WDPCP: variants seen among roughly 807,000 people sequenced by gnomAD.
WDPCP encodes WD repeat-containing and planar cell polarity effector protein fritz homolog.
In WDPCP, 71 loss-of-function variants were observed where a neutral mutation model predicts 93.1. The ratio of observed to expected loss-of-function variants is 0.76; its 90% confidence interval spans 0.63 to 0.93. The LOEUF is 0.93. Among genes scored for constraint, WDPCP ranks in the 40% least tolerant of loss-of-function variants. The probability of loss-of-function intolerance (pLI) is 0.00; values close to 1 mark genes in which losing one functional copy is unlikely to be tolerated. For missense variants in WDPCP, 844 were observed against 887.4 expected (o/e 0.95, Z 0.62); for synonymous variants, 315 against 315.0 (o/e 1.00, Z 0.00).
intron 2 of WDPCP, chr2:63,650,983 G>C (rs770778515): frequency 6.6e-6 from 1 of 152,156 alleles, no homozygotes; most frequent in Non-Finnish European, 1.5e-5. Flanking sequence ...CAGTGGACTT[G>C]GATGTACAGG....
At chr2:63,494,907 G>A (rs1489684149) in intron 1 of WDPCP, among the ~76,000 whole-genome samples, 7 of 131,486 alleles carry the variant, frequency 5.3e-5, no homozygotes, top group Admixed American at 8.1e-5. Flanking sequence ...GCGACAGAGC[G>A]AGACTCCGTC....
chr2:63,502,646 TC>T (rs1701627062), intron 1 of WDPCP, among the ~76,000 whole-genome samples: 1 of 152,230 alleles, frequency 6.6e-6, no homozygotes. Context: ...TGCTCATCTT[TC>T]TATTAAGTTC....
chr2:63,640,652 T>C (rs1164170026), intron 3 of WDPCP, among the ~76,000 whole-genome samples: 1 of 152,154 alleles, frequency 6.6e-6, no homozygotes, highest in East Asian at 1.9e-4. Context: ...TACTTGACAA[T>C]AAAAAGAAAT....
At chr2:63,252,401 C>G (rs1464307727) in intron 14 of WDPCP, among the ~76,000 whole-genome samples, 1 of 152,086 alleles carries the variant, frequency 6.6e-6, no homozygotes, top group African/African-American at 2.4e-5. Context: ...CTCATCATTC[C>G]TGTTCAAAAA....
At chr2:63,786,871 A>G (rs1034035953) in intron 2 of WDPCP, among the ~76,000 whole-genome samples, 1 of 152,244 alleles carries the variant, frequency 6.6e-6, no homozygotes, top group Non-Finnish European at 1.5e-5. Context: ...ATGAAAAACA[A>G]ACACAGGGAA....
chr2:63,315,606 T>C (rs888612627), intron 12 of WDPCP, among the ~76,000 whole-genome samples: 1 of 152,090 alleles, frequency 6.6e-6, no homozygotes, highest in Non-Finnish European at 1.5e-5. Context: ...AAAGTAGGCA[T>C]ATAAAATAAT....
chr2:63,660,311 C>G (rs1450182916), intron 2 of WDPCP, among the ~76,000 whole-genome samples: 3 of 152,110 alleles, frequency 2.0e-5, no homozygotes, highest in Non-Finnish European at 2.9e-5. Context: ...TTAAAATTCA[C>G]AAATCAAAGA....
At chr2:63,525,580 C>A (rs191498299) in intron 1 of WDPCP, among the ~76,000 whole-genome samples, 5 of 152,248 alleles carry the variant, frequency 3.3e-5, no homozygotes, top group Admixed American at 1.3e-4. Context: ...CATCTTGGCT[C>A]TTCTTTTTCC....
chr2:63,714,964 C>T lies in WDPCP; in HGVS notation n.309-64126G>A, dbSNP rs546820043. Among the ~76,000 whole-genome samples the T allele has an allele frequency of 3.9e-5, 6 of 152,220 alleles. No homozygotes were observed. The East Asian group carries it at 5.8e-4, about 15-fold the overall frequency. On this transcript the variant is annotated intron_variant and non_coding_transcript_variant, in intron 2 of 4. Transcript: ENST00000467687. ...ATAAACCAATTGTGATATATGTATA[C>T]GATAGAATATTATTCAGTCATAAAA...
chr2:63,603,006 C>T (rs1248763448), intron 3 of WDPCP, among the ~76,000 whole-genome samples: 1 of 126,198 alleles, frequency 7.9e-6, no homozygotes, highest in Non-Finnish European at 1.7e-5. Context: ...GTCGCCTAGG[C>T]TGGAGTGCAA....
rs750123183 is a variant in WDPCP at position 63,439,848 on chromosome 2, C to T, written c.408G>A (p.Leu136=). The change falls in exon 7 of 18, where the codon CTG becomes CTA. Residue 136 remains leucine, a synonymous_variant. Transcript: ENST00000272321. ...VCQLLFGSGV[L]VSLSLSGPQL... ...GCGGCCCAGAAAGGCTTAGAGACAC[C>T]AGCACACCTGAACCAAAAAGGAGCT... 6.2e-7 allele frequency: 1 copy of T among 1,613,150 alleles called. No individual in the cohort carries two copies. The highest frequency in any genetic ancestry group is 1.1e-5 in the South Asian group (1 of 91,058).
At chr2:63,370,280 AT>A (rs1438075723) in intron 12 of WDPCP, among the ~76,000 whole-genome samples, 1 of 151,772 alleles carries the variant, frequency 6.6e-6, no homozygotes, top group Non-Finnish European at 1.5e-5. Flanking sequence ...ATAAAATCAC[AT>A]TTTTCTAGGT....
chr2:63,375,550 A>G (rs1691780080), intron 12 of WDPCP, among the ~76,000 whole-genome samples: 1 of 151,922 alleles, frequency 6.6e-6, no homozygotes, highest in Non-Finnish European at 1.5e-5. Context: ...GCATACAAAA[A>G]GATGAGAAGT....
At chr2:63,142,194 C>G (rs181234113) in intron 17 of WDPCP, among the ~76,000 whole-genome samples, 108 of 152,132 alleles carry the variant, frequency 7.1e-4, no homozygotes, top group Non-Finnish European at 1.4e-3. Flanking sequence ...TTGGTTTGTT[C>G]TTGTTTCTGT....
intron 13 of WDPCP, among the ~76,000 whole-genome samples, chr2:63,285,865 A>G (rs1683959004): frequency 6.6e-6 from 1 of 152,222 alleles, no homozygotes; most frequent in South Asian, 2.1e-4. Flanking sequence ...GTGGATATAA[A>G]GACTTAAACT....
At chr2:63,587,307 A>C (rs1221523194) in intron 1 of WDPCP, among the ~76,000 whole-genome samples, 1 of 152,208 alleles carries the variant, frequency 6.6e-6, no homozygotes, top group African/African-American at 2.4e-5. Context: ...AACTAAAAAA[A>C]ATTTAGAAAC....
intron 12 of WDPCP, among the ~76,000 whole-genome samples, chr2:63,333,225 A>C (rs1193860291): frequency 6.6e-6 from 1 of 152,190 alleles, no homozygotes; most frequent in Non-Finnish European, 1.5e-5. Context: ...GATGGGTTTT[A>C]TTAAACCCTG....
At chr2:63,800,683 A>C (rs1307800842) in intron 2 of WDPCP, among the ~76,000 whole-genome samples, 1 of 152,222 alleles carries the variant, frequency 6.6e-6, no homozygotes, top group African/African-American at 2.4e-5. Flanking sequence ...ATTTACTTAT[A>C]GGTAACACTA....
chr2:63,419,502 T>A (rs1695687502), intron 9 of WDPCP, among the ~76,000 whole-genome samples: 1 of 152,148 alleles, frequency 6.6e-6, no homozygotes, highest in African/African-American at 2.4e-5. Context: ...ATTGTCTTAT[T>A]TAAGGTTGAA....
Sources: gnomAD v4.1 joint callset for allele counts (sites outside exome capture counted in the v4.1 genomes callset) on GRCh38, gnomAD v4.1.1 for gene constraint, MANE v1.5 for transcripts, NCBI Gene and HGNC (gene_info 2026-07-23, HGNC 2026-07-21) for gene names.